Variants in PDGFD observed in about 807,000 individuals in gnomAD.
PDGFD encodes platelet-derived growth factor D.
PDGFD carries 30 observed loss-of-function variants against 44.7 expected under a neutral mutation model. The ratio of observed to expected loss-of-function variants is 0.67; its 90% CI spans 0.50 to 0.91. PDGFD has a LOEUF of 0.91. Ranked by LOEUF, PDGFD falls within the 40% of genes least tolerant of loss-of-function variation. The probability of loss-of-function intolerance (pLI) is 0.00; values close to 1 mark genes in which losing one functional copy is unlikely to be tolerated. For synonymous variants in PDGFD, 173 were observed against 168.4 expected (o/e 1.03, Z -0.21); for missense variants, 445 against 457.8 (o/e 0.97, Z 0.25).
At chr11:104,151,692 C>T (rs1171792266) in intron 1 of PDGFD, among the ~76,000 whole-genome samples, 3 of 152,082 alleles carry the variant, frequency 2.0e-5, no homozygotes, top group Non-Finnish European at 4.4e-5. Flanking sequence ...TCCTAAAATT[C>T]GAACACACAA....
intron 5 of PDGFD, among the ~76,000 whole-genome samples, chr11:103,941,946 A>AT (rs1343952718): frequency 2.0e-5 from 3 of 152,022 alleles, no homozygotes; most frequent in Admixed American, 6.6e-5. Context: ...CAGAAAAGCA[A>AT]TTTTTTCTTT....
At chr11:104,037,854 G>A in intron 1 of PDGFD, 1 of 1,614,180 alleles carries the variant, frequency 6.2e-7, no homozygotes, top group Non-Finnish European at 8.5e-7. Context: ...CCATCGATTT[G>A]AAGAAAAATG....
intron 1 of PDGFD, among the ~76,000 whole-genome samples, chr11:104,120,418 T>C (rs368824102): frequency 1.3e-5 from 2 of 151,946 alleles, no homozygotes; most frequent in African/African-American, 4.8e-5. Flanking sequence ...TAGTTTAAAA[T>C]TGTCATTCCT....
Position 103,943,618 on chromosome 11 carries a change from A to T in PDGFD, c.606T>A (p.Asp202Glu). 2 of 1,613,088 alleles carry T rather than the reference A, an allele frequency of 1.2e-6. No homozygotes were observed. The highest frequency in any genetic ancestry group is 1.7e-6 in the Non-Finnish European group (2 of 1,179,444). The change falls in exon 5 of 7, where the codon GAT (aspartate) becomes GAA (glutamate). Residue 202 changes from aspartate (D) to glutamate (E), a missense_variant. Asp to Glu is a conservative substitution (Grantham distance 45). Coordinates refer to ENST00000393158, the MANE Select transcript of PDGFD (RefSeq NM_025208.5). ...CCAGAGCATCCGCAATCAGAGTGGG[A>T]TCCGTTACTGATGGAGAGTTATAGG... ...GVSYNSPSVTDPTLIADALDK... is the reference protein window; with the variant it reads ...GVSYNSPSVTEPTLIADALDK...
chr11:104,114,744 C>A lies in PDGFD; in HGVS notation c.124+49060G>T, dbSNP rs1002661921. Among the ~76,000 whole-genome samples the A allele has an allele frequency of 2.0e-5, 3 of 151,880 alleles. No homozygotes were observed. In the Admixed American group the frequency reaches 2.0e-4, roughly 10 times the overall value. ...CTATACATGACCATAGAATATCTCTCCATTTATTAAGTTCTTTGATTTCTT... is the reference window on the plus strand; with the variant it reads ...CTATACATGACCATAGAATATCTCTACATTTATTAAGTTCTTTGATTTCTT... On this transcript the variant is annotated intron_variant, in intron 1 of 6. Transcript: ENST00000393158.
chr11:104,135,121 C>T (rs79752892), intron 1 of PDGFD, among the ~76,000 whole-genome samples: 19,823 of 150,246 alleles, frequency 0.13, 1,427 homozygotes, highest in East Asian at 0.3. Context: ...ATTAAATAGA[C>T]AATCACACTT....
chr11:104,018,075 C>T (rs571298041), intron 1 of PDGFD, among the ~76,000 whole-genome samples: 2 of 152,182 alleles, frequency 1.3e-5, no homozygotes, highest in South Asian at 4.2e-4. Context: ...GAAAATTTAA[C>T]ATGTGCCATT....
At chr11:104,153,770 TAA>T in intron 1 of PDGFD, among the ~76,000 whole-genome samples, 1 of 151,998 alleles carries the variant, frequency 6.6e-6, no homozygotes, top group East Asian at 1.9e-4. Flanking sequence ...AATAGCAAAA[TAA>T]AAAGACAGGT....
rs1340668024 is a variant in PDGFD, at chr11:104,102,156, A to T, written c.124+61648T>A. 2.6e-5 allele frequency among the ~76,000 whole-genome samples: 4 copies of T among 152,262 alleles called. No individual in the cohort carries two copies. In the East Asian group the frequency reaches 7.7e-4, roughly 29 times the overall value. ...AGAACAGGCAACCTACAGAATGGGA[A>T]AACATTTTTGCAATCTACTCATCTG... On this transcript the variant is annotated intron_variant, in intron 1 of 6. Transcript: ENST00000393158.
chr11:104,114,926 G>C (rs1342092732), intron 1 of PDGFD, among the ~76,000 whole-genome samples: 1 of 150,934 alleles, frequency 6.6e-6, no homozygotes, highest in Non-Finnish European at 1.5e-5. Context: ...AGGTTGTTGG[G>C]GAATAGGTGG....
At chr11:103,964,314 T>C (rs891751326) in intron 3 of PDGFD, among the ~76,000 whole-genome samples, 1 of 152,194 alleles carries the variant, frequency 6.6e-6, no homozygotes, top group Non-Finnish European at 1.5e-5. Flanking sequence ...GCAGCTGATA[T>C]GTAACATGAA....
intron 3 of PDGFD, among the ~76,000 whole-genome samples, chr11:103,978,083 T>C (rs1859210298): frequency 6.6e-6 from 1 of 152,090 alleles, no homozygotes; most frequent in Non-Finnish European, 1.5e-5. Flanking sequence ...AGAGTATCAT[T>C]TCCATTGCTA....
At chr11:103,948,201 T>C (rs1487992969) in intron 3 of PDGFD, among the ~76,000 whole-genome samples, 1 of 152,214 alleles carries the variant, frequency 6.6e-6, no homozygotes, top group Non-Finnish European at 1.5e-5. Context: ...ATGTTCAATC[T>C]TGCCTGCTGA....
intron 1 of PDGFD, among the ~76,000 whole-genome samples, chr11:104,007,136 T>C (rs1267254828): frequency 6.6e-6 from 1 of 152,200 alleles, no homozygotes; most frequent in Non-Finnish European, 1.5e-5. Flanking sequence ...AGGAGCCACA[T>C]GCCTGTCGCA....
chr11:104,083,934 T>TA (rs1376704479), intron 1 of PDGFD, among the ~76,000 whole-genome samples: 1 of 152,160 alleles, frequency 6.6e-6, no homozygotes, highest in East Asian at 1.9e-4. Context: ...CTGAAGGTGC[T>TA]AAAAAGTTTA....
intron 3 of PDGFD, among the ~76,000 whole-genome samples, chr11:103,950,571 A>AAAATAAATAAATAAAT (rs112585777): frequency 0.19 from 28,206 of 146,050 alleles, 3,068 homozygotes; most frequent in East Asian, 0.28. Context: ...CTCAAAAGAA[A>AAAATAAATAAATAAAT]AAATAAATAA....
At chr11:104,083,593 C>G (rs1189672662) in intron 1 of PDGFD, among the ~76,000 whole-genome samples, 1 of 152,016 alleles carries the variant, frequency 6.6e-6, no homozygotes, top group Non-Finnish European at 1.5e-5. Context: ...TTTAAAACGA[C>G]CAACAAAAAA....
chr11:103,989,428 C>T (rs1337797639), intron 3 of PDGFD, among the ~76,000 whole-genome samples: 1 of 152,224 alleles, frequency 6.6e-6, no homozygotes, highest in African/African-American at 2.4e-5. Flanking sequence ...CAGCAGCATT[C>T]ACCCAGGGGT....
Position 103,999,980 on chromosome 11 carries a change from C to A in PDGFD, c.329+71G>T. 3 of 1,343,736 alleles carry A rather than the reference C, an allele frequency of 2.2e-6. No homozygotes were observed. The East Asian group carries it at 6.9e-5, about 31-fold the overall frequency. 83.2% of individuals were successfully genotyped at this position (1,343,736 alleles called of 1,614,324 possible). A position where few individuals can be genotyped will look rare whatever the true frequency, so the allele number is the denominator to read the frequency against. ...AAAGGCTCAAAAGGAATGTTTGATA[C>A]GATGCTTTAAATTCATCTTTTTCTT... On this transcript the variant is annotated intron_variant, in intron 2 of 6. Coordinates refer to ENST00000393158, the MANE Select transcript of PDGFD (RefSeq NM_025208.5).
Sources: allele counts gnomAD v4.1 joint callset (sites outside exome capture counted in the v4.1 genomes callset), GRCh38; gene constraint gnomAD v4.1.1; transcripts MANE v1.5; gene names NCBI Gene and HGNC (gene_info 2026-07-23, HGNC 2026-07-21).